The following KIAA0586 variants were observed in gnomAD, a reference collection of about 807,000 sequenced individuals.
The protein encoded by KIAA0586 is KIAA0586, also known as protein TALPID3.
A neutral mutation model predicts 169.8 loss-of-function variants in KIAA0586; 144 were observed. That is an observed-to-expected ratio of 0.85 (90% CI 0.74 to 0.97). The LOEUF is 0.97. Among genes scored for constraint, KIAA0586 ranks in the 50% least tolerant of loss-of-function variants. KIAA0586 has a pLI of 0.00. For synonymous variants in KIAA0586, 625 were observed against 612.4 expected (o/e 1.02, Z -0.30); for missense variants, 1,854 against 1,823.0 (o/e 1.02, Z -0.31).
At chr14:58,444,699 C>T (rs1023138834) in intron 6 of KIAA0586, among the ~76,000 whole-genome samples, 4 of 152,072 alleles carry the variant, frequency 2.6e-5, no homozygotes, top group African/African-American at 9.7e-5. Flanking sequence ...GCTAGAGTTA[C>T]CTGCGTGAGC....
chr14:58,499,580 A>G (rs2043409609), intron 27 of KIAA0586, among the ~76,000 whole-genome samples: 1 of 150,580 alleles, frequency 6.6e-6, no homozygotes, highest in African/African-American at 2.4e-5. Context: ...TTTTTTGGAG[A>G]CGGAGTCTTG....
intron 29 of KIAA0586, among the ~76,000 whole-genome samples, chr14:58,523,413 A>G (rs965426494): frequency 1.3e-5 from 2 of 152,106 alleles, no homozygotes; most frequent in East Asian, 1.9e-4. Context: ...CAGCCCCTTC[A>G]TTGTTCTTAA....
At chr14:58,521,467 C>G (rs1235072609) in intron 29 of KIAA0586, 1 of 762,708 alleles carries the variant, frequency 1.3e-6, no homozygotes, top group Non-Finnish European at 2.4e-6. Context: ...CCATGACTTT[C>G]AACGGGATTA....
Position 58,456,721 on chromosome 14 carries a change from C to A in KIAA0586, c.1273C>A (p.Leu425Ile). The A allele has an allele frequency of 6.3e-7, 1 of 1,599,604 alleles. No homozygotes were observed. Among genetic ancestry groups the A allele is most frequent in the South Asian group, 1.1e-5 (1 of 88,658 alleles). The part of the protein sequence containing the change: ...KTNRFPSCEE[L>I]ETTKVTMQKS... ...TCAAAGATTTCCTTCCTGTGAAGAG[C>A]TAGAAACAACTAAAGTGACTATGCA... The change falls in exon 10 of 31, where the codon CTA (leucine) becomes ATA (isoleucine). Residue 425 changes from leucine to isoleucine, a missense_variant. Coordinates refer to ENST00000652326, the MANE Select transcript of KIAA0586 (RefSeq NM_001329943.3).
At chr14:58,487,607 CAA>C (rs1250176312) in intron 22 of KIAA0586, among the ~76,000 whole-genome samples, 7 of 111,396 alleles carry the variant, frequency 6.3e-5, no homozygotes, top group Admixed American at 9.1e-5. Context: ...CTCCGTCTCA[CAA>C]AAAAAAAAAA....
rs1252621599 is a variant in KIAA0586, at chr14:58,549,572, G to A, written c.*1640G>A. 3 of 152,108 alleles carry A rather than the reference G, an allele frequency of 2.0e-5. No individual in the cohort carries two copies. Among genetic ancestry groups the A allele is most frequent in the Admixed American group, 2.0e-4 (3 of 15,264 alleles). 9.4% of individuals were successfully genotyped at this position (152,108 alleles called of 1,614,324 possible). On this transcript the variant is annotated 3_prime_UTR_variant, in exon 31 of 31. Coordinates refer to ENST00000652326, the MANE Select transcript of KIAA0586 (RefSeq NM_001329943.3). Reference sequence around the variant, plus strand: ...GTATTTGGTTACTGGAATGTTTTAGGTTTCACTTTAGAACCCGTTTTCTTT... The same window carrying A: ...GTATTTGGTTACTGGAATGTTTTAGATTTCACTTTAGAACCCGTTTTCTTT...
At chr14:58,427,566 G>C (rs531310751), upstream of KIAA0586, 33 of 1,532,824 alleles carry the variant, frequency 2.2e-5, no homozygotes, top group Admixed American at 2.0e-5. Flanking sequence ...TGTTATGTCC[G>C]GAGTTTGTTT....
At chr14:58,440,413 C>A (rs1263544824) in intron 4 of KIAA0586, among the ~76,000 whole-genome samples, 1 of 151,910 alleles carries the variant, frequency 6.6e-6, no homozygotes, top group African/African-American at 2.4e-5. Context: ...CTCACTGCAA[C>A]CTCCGTCTCC....
chr14:58,516,465 C>G (rs2044761937), intron 29 of KIAA0586, among the ~76,000 whole-genome samples: 1 of 152,206 alleles, frequency 6.6e-6, no homozygotes, highest in South Asian at 2.1e-4. Flanking sequence ...GTCCCACAAT[C>G]TTTTATTAGC....
At chr14:58,466,527 A>G (rs1412131710) in intron 15 of KIAA0586, among the ~76,000 whole-genome samples, 2 of 152,106 alleles carry the variant, frequency 1.3e-5, no homozygotes, top group African/African-American at 4.8e-5. Flanking sequence ...CTTGAGACCA[A>G]GAGTTTGAGA....
At chr14:58,527,221 A>G (rs1045977323) in intron 29 of KIAA0586, among the ~76,000 whole-genome samples, 1 of 152,178 alleles carries the variant, frequency 6.6e-6, no homozygotes, top group South Asian at 2.1e-4. Flanking sequence ...GACCAAACCT[A>G]CATCTGATTG....
At chr14:58,445,558 C>T (rs1250622330) in intron 6 of KIAA0586, among the ~76,000 whole-genome samples, 2 of 151,592 alleles carry the variant, frequency 1.3e-5, no homozygotes, top group East Asian at 1.9e-4. Flanking sequence ...TTCAGCTACC[C>T]GAGTAGCTGG....
intron 18 of KIAA0586, among the ~76,000 whole-genome samples, chr14:58,473,225 G>A (rs1216255306): frequency 6.6e-6 from 1 of 151,932 alleles, no homozygotes; most frequent in Non-Finnish European, 1.5e-5. Flanking sequence ...ATTATTTATA[G>A]ATAAAATGAT....
rs930444564 is a variant in KIAA0586, at chr14:58,491,123, C to T, written c.3858+883C>T. Among the ~76,000 whole-genome samples the T allele has an allele frequency of 5.9e-5, 9 of 152,082 alleles. No individual in the cohort carries two copies. The East Asian group carries it at 7.7e-4, about 13-fold the overall frequency. On this transcript the variant is annotated intron_variant, in intron 25 of 30. Coordinates refer to ENST00000652326, the MANE Select transcript of KIAA0586 (RefSeq NM_001329943.3). Reference sequence around the variant, plus strand: ...TTTTCAGAGAAGCATTACTAACATTCGGCCTATTAGTGTACAATTATAGCA... The same window carrying T: ...TTTTCAGAGAAGCATTACTAACATTTGGCCTATTAGTGTACAATTATAGCA...
intron 15 of KIAA0586, 93 bp downstream of exon 15, chr14:58,466,122 C>A: frequency 3.1e-6 from 3 of 964,682 alleles, no homozygotes; most frequent in Admixed American, 2.4e-5. Context: ...CACTGTGTGG[C>A]TCAGAGTGGT....
chr14:58,526,623 A>G (rs911038411), intron 29 of KIAA0586, among the ~76,000 whole-genome samples: 1 of 152,226 alleles, frequency 6.6e-6, no homozygotes, highest in African/African-American at 2.4e-5. Context: ...AAAAGCCTGA[A>G]AATTCCCAAA....
intron 23 of KIAA0586, 73 bp downstream of exon 23, chr14:58,488,182 T>C: frequency 8.6e-7 from 1 of 1,163,110 alleles, no homozygotes; most frequent in Non-Finnish European, 1.2e-6. Flanking sequence ...ATTGAAAACA[T>C]AGAAATATTA....
intron 29 of KIAA0586, among the ~76,000 whole-genome samples, chr14:58,525,243 A>G (rs535226958): frequency 1.7e-4 from 26 of 152,178 alleles, no homozygotes; most frequent in African/African-American, 5.3e-4. Flanking sequence ...GATTATATGT[A>G]TAAGATATAT....
intron 29 of KIAA0586, among the ~76,000 whole-genome samples, chr14:58,531,332 A>T (rs960962027): frequency 2.0e-5 from 3 of 151,088 alleles, no homozygotes; most frequent in East Asian, 1.9e-4. Context: ...GTCTCAAAAA[A>T]AAAAAAAAAT....
Sources: allele counts gnomAD v4.1 joint callset (sites outside exome capture counted in the v4.1 genomes callset), GRCh38; gene constraint gnomAD v4.1.1; transcripts MANE v1.5; gene names NCBI Gene and HGNC (gene_info 2026-07-23, HGNC 2026-07-21).